GRK3: variants seen among roughly 807,000 people sequenced by gnomAD.
GRK3 encodes the protein G protein-coupled receptor kinase 3, also known as adrenergic, beta, receptor kinase 2.
Under a neutral mutation model 95.7 loss-of-function variants are expected in GRK3, and 54 were observed. That is an observed-to-expected ratio of 0.56 (90% CI 0.45 to 0.71). The LOEUF is 0.71. Among genes scored for constraint, GRK3 ranks in the 30% least tolerant of loss-of-function variants. The pLI, the probability that GRK3 is intolerant of heterozygous loss-of-function variation, is 0.00. For missense variants in GRK3, 649 were observed against 851.2 expected (o/e 0.76, Z 2.96); for synonymous variants, 281 against 290.8 (o/e 0.97, Z 0.34).
intron 2 of GRK3, among the ~76,000 whole-genome samples, chr22:25,630,084 C>A (rs1237623013): frequency 1.3e-5 from 2 of 152,148 alleles, no homozygotes; most frequent in African/African-American, 2.4e-5. Flanking sequence ...ATAAAACATA[C>A]ATATAGAAAA....
chr22:25,672,310 G>C lies in GRK3; in HGVS notation c.518G>C (p.Arg173Thr). 1 of 1,458,364 alleles carries C rather than the reference G, an allele frequency of 6.9e-7. No individual in the cohort carries two copies. The highest frequency in any genetic ancestry group is 9.5e-7 in the Non-Finnish European group (1 of 1,055,764). The allele number at this position is 1,458,364 out of a possible 1,614,324, so 90.3% of individuals were successfully genotyped here. A position where few individuals can be genotyped will look rare whatever the true frequency, so the allele number is the denominator to read the frequency against. The change falls in exon 7 of 21, where the codon AGA (arginine) becomes ACA (threonine). Residue 173 changes from arginine (R) to threonine (T), a missense_variant. Transcript: ENST00000324198. ...TTCTCTTTTAGTGACAAGTTCACTAGATTTTGTCAGTGGAAAAACGTTGAA... is the reference window on the plus strand; with the variant it reads ...TTCTCTTTTAGTGACAAGTTCACTACATTTTGTCAGTGGAAAAACGTTGAA... Reference protein sequence around the residue: ...QKFMESDKFTRFCQWKNVELN... With the variant: ...QKFMESDKFTTFCQWKNVELN...
chr22:25,659,986 A>G (rs1412005878), intron 3 of GRK3, among the ~76,000 whole-genome samples: 1 of 152,180 alleles, frequency 6.6e-6, no homozygotes, highest in African/African-American at 2.4e-5. Context: ...CTTGTTTTCA[A>G]GGATCATCAT....
intron 2 of GRK3, among the ~76,000 whole-genome samples, chr22:25,635,333 A>G (rs957268250): frequency 5.9e-5 from 9 of 152,102 alleles, no homozygotes; most frequent in South Asian, 2.1e-4. Flanking sequence ...TTCAGCCCCT[A>G]TTTCTTAAGA....
rs186804038 is a variant in GRK3, at chr22:25,648,142, A to G, written c.264+3477A>G. On this transcript the variant is annotated intron_variant, in intron 3 of 20. Coordinates refer to ENST00000324198, the MANE Select transcript of GRK3 (RefSeq NM_005160.4). Reference sequence around the variant, plus strand: ...AAAAAACAAATAAGCAAACAGAACAAAACAAAACAAAAACGAGAGAGCGAA... The same window carrying G: ...AAAAAACAAATAAGCAAACAGAACAGAACAAAACAAAAACGAGAGAGCGAA... 803 of 638,730 alleles carry G rather than the reference A, an allele frequency of 1.3e-3. 3 individuals carry two copies. The highest frequency in any genetic ancestry group is 1.8e-3 in the Non-Finnish European group (660 of 357,068). The allele number at this position is 638,730 out of a possible 1,614,324, so 39.6% of individuals were successfully genotyped here.
At chr22:25,670,622 C>A (rs952269051) in intron 6 of GRK3, among the ~76,000 whole-genome samples, 12 of 152,090 alleles carry the variant, frequency 7.9e-5, no homozygotes, top group Non-Finnish European at 1.8e-4. Flanking sequence ...TTCCTCCCTT[C>A]CTCCCTTCCT....
intron 6 of GRK3, among the ~76,000 whole-genome samples, chr22:25,669,861 G>A (rs1474046602): frequency 6.6e-6 from 1 of 152,206 alleles, no homozygotes. Context: ...CTGGACTCCA[G>A]AATCTGTGAG....
chr22:25,704,181 AGCAAGCG>A lies in GRK3; in HGVS notation c.1303_1309del (p.Lys435TrpfsTer11). 1 of 1,613,590 alleles carries A rather than the reference AGCAAGCG, an allele frequency of 6.2e-7. No individual in the cohort carries two copies. The highest frequency in any genetic ancestry group is 8.5e-7 in the Non-Finnish European group (1 of 1,179,698). On this transcript the variant is annotated frameshift_variant, in exon 15 of 21. Coordinates refer to ENST00000324198, the MANE Select transcript of GRK3 (RefSeq NM_005160.4). LOFTEE classifies it high-confidence loss of function. ...GGAGGGCTTGCTTCAGCGAGACGTT[AGCAAGCG>A]GCTGGGCTGTCACGGAGGCGGGTAG... is the stretch of plus-strand genomic sequence containing the variant.
intron 8 of GRK3, 21 bp from the exon 9 acceptor site, chr22:25,678,795 T>C (rs769787425): frequency 6.3e-6 from 9 of 1,422,026 alleles, no homozygotes; most frequent in African/African-American, 1.4e-5. Flanking sequence ...CATAGATTTT[T>C]CAATAAATTT....
At chr22:25,581,910 T>G (rs187623642) in intron 1 of GRK3, among the ~76,000 whole-genome samples, 277 of 152,334 alleles carry the variant, frequency 1.8e-3, no homozygotes, top group Non-Finnish European at 3.6e-3. Context: ...TTATTAAAAT[T>G]ATGTTAACAG....
At position 25,687,965 on chromosome 22, in the gene GRK3, G is replaced by A. The variant is rs181337679; in HGVS notation, c.957+298G>A. Among the ~76,000 whole-genome samples, 712 of 152,208 alleles carry A rather than the reference G, an allele frequency of 4.7e-3. 3 individuals carry two copies. Among genetic ancestry groups the A allele is most frequent in the Non-Finnish European group, 5.1e-3 (347 of 67,988 alleles). On this transcript the variant is annotated intron_variant, in intron 11 of 20. Transcript: ENST00000324198. ...ATGAAAAGCAATTTAGGCCAGGTGCGGTGGCTCATGCCTGTAATCCCAGCA... is the reference window on the plus strand; with the variant it reads ...ATGAAAAGCAATTTAGGCCAGGTGCAGTGGCTCATGCCTGTAATCCCAGCA...
chr22:25,705,202 T>TA (rs1161075049), intron 15 of GRK3, among the ~76,000 whole-genome samples: 2 of 152,322 alleles, frequency 1.3e-5, no homozygotes, highest in East Asian at 3.9e-4. Context: ...ACTGTCTCTG[T>TA]AGCCTTCCCT....
chr22:25,671,352 A>C lies in GRK3; in HGVS notation c.504-944A>C, dbSNP rs2084981366. The stretch of plus-strand genomic sequence containing the variant: ...GAGACTCCGTCTCAAAGCAACAAAA[A>C]CAAAAACAAAAGACCCACCTTACAG... On this transcript the variant is annotated intron_variant, in intron 6 of 20. Coordinates refer to ENST00000324198, the MANE Select transcript of GRK3 (RefSeq NM_005160.4). 1.3e-5 allele frequency among the ~76,000 whole-genome samples: 2 copies of C among 152,240 alleles called. 1 individual carries two copies. The highest frequency in any genetic ancestry group is 4.1e-4 in the South Asian group (2 of 4,824).
chr22:25,615,702 C>G (rs985942078), intron 2 of GRK3, among the ~76,000 whole-genome samples: 14 of 144,702 alleles, frequency 9.7e-5, no homozygotes, highest in Non-Finnish European at 1.6e-4. Context: ...GTTAACTCCT[C>G]CTTCTCGGGG....
rs547468228 is a variant in GRK3 at position 25,685,942 on chromosome 22, C to T, written c.826+694C>T. Among the ~76,000 whole-genome samples the T allele has an allele frequency of 7.0e-4, 106 of 151,092 alleles. No individual in the cohort carries two copies. In the South Asian group the frequency reaches 0.021, roughly 29 times the overall value. ...TGTTTGATTTAAAACCAGATCTAGC[C>T]GGGCACGGTGGCTCACGCCTGTAAT... On this transcript the variant is annotated intron_variant, in intron 10 of 20. Coordinates refer to ENST00000324198, the MANE Select transcript of GRK3 (RefSeq NM_005160.4).
chr22:25,700,982 T>C (rs2085254573), intron 13 of GRK3, among the ~76,000 whole-genome samples: 1 of 152,260 alleles, frequency 6.6e-6, no homozygotes, highest in Non-Finnish European at 1.5e-5. Context: ...TAGAGCTAAC[T>C]TGGGCAGGAT....
At chr22:25,656,676 A>G (rs1407297851) in intron 3 of GRK3, among the ~76,000 whole-genome samples, 1 of 152,206 alleles carries the variant, frequency 6.6e-6, no homozygotes, top group Non-Finnish European at 1.5e-5. Context: ...CACTGTTCAG[A>G]TGAACAGATA....
chr22:25,647,020 CA>C (rs1025786169), intron 3 of GRK3, among the ~76,000 whole-genome samples: 410 of 54,014 alleles, frequency 7.6e-3, no homozygotes, highest in African/African-American at 0.016. Flanking sequence ...GACTTTGTCT[CA>C]AAAAAAAAAA....
At position 25,565,125 on chromosome 22, in the gene GRK3, A is replaced by C; in HGVS notation, c.85A>C (p.Ser29Arg). 6.5e-7 allele frequency: 1 copy of C among 1,549,240 alleles called. No individual in the cohort carries two copies. The highest frequency in any genetic ancestry group is 1.4e-5 in the African/African-American group (1 of 70,196). ...CAAGGCGACCCCGGCCGCCCGCGCC[A>C]GCAAGAGGATCGTCCTGCCGGAGCC... ...KSKATPAARA[S>R]KRIVLPEPSI... Residue 29 changes from serine (S) to arginine (R), a missense_variant, in exon 1 of 21, where the codon AGC becomes CGC. Around this residue, in one of 3 missense-constraint regions of GRK3, gnomAD observed 206 missense variants for 231.4 expected, o/e 0.89. Coordinates refer to ENST00000324198, the MANE Select transcript of GRK3 (RefSeq NM_005160.4).
chr22:25,604,580 A>G, intron 2 of GRK3, 127 bp downstream of exon 2: 1 of 504,626 alleles, frequency 2.0e-6, no homozygotes, highest in Non-Finnish European at 3.5e-6. Flanking sequence ...AATAAAGGAA[A>G]TTTCATGTAA....
Sources: allele counts gnomAD v4.1 joint callset (sites outside exome capture counted in the v4.1 genomes callset), GRCh38; gene constraint gnomAD v4.1.1; regional missense constraint gnomAD v4.1.1; transcripts MANE v1.5; gene names NCBI Gene and HGNC (gene_info 2026-07-23, HGNC 2026-07-21).